The following DYRK3 variants were observed in gnomAD, a reference collection of about 807,000 sequenced individuals.
DYRK3 encodes dual specificity tyrosine phosphorylation regulated kinase 3, also known as dual specificity tyrosine-phosphorylation-regulated kinase 3.
A neutral mutation model predicts 40.8 loss-of-function variants in DYRK3; 30 were observed. The observed-to-expected ratio is 0.74, with a 90% confidence interval of 0.55 to 1.00. The LOEUF is 1.00. DYRK3 is among the 50% of genes least tolerant of loss of function. The pLI is 0.00. For missense variants in DYRK3, 699 were observed against 731.5 expected (o/e 0.96, Z 0.51); for synonymous variants, 272 against 260.7 (o/e 1.04, Z -0.42).
chr1:206,648,323 C>T lies in DYRK3; in HGVS notation c.1125C>T (p.Tyr375=). ...KLYTYIQSRF[Y]RAPEIILGSR... is the part of the protein sequence containing the mutation. Reference sequence around the variant, plus strand: ...ACACATATATCCAGTCTCGGTTCTACAGAGCTCCAGAAATCATCTTAGGAA... The same window carrying T: ...ACACATATATCCAGTCTCGGTTCTATAGAGCTCCAGAAATCATCTTAGGAA... The change falls in exon 3 of 3, where the codon TAC becomes TAT. Residue 375 remains tyrosine (Y), a synonymous_variant. Transcript: ENST00000367109. 2 of 1,614,162 alleles carry T rather than the reference C, an allele frequency of 1.2e-6. No individual in the cohort carries two copies. The highest frequency in any genetic ancestry group is 1.7e-6 in the Non-Finnish European group (2 of 1,180,040).
Position 206,648,335 on chromosome 1 carries a change from A to G in DYRK3, c.1137A>G (p.Glu379=). The change falls in exon 3 of 3, where the codon GAA becomes GAG. Residue 379 remains glutamate, a synonymous_variant. Transcript: ENST00000367109. ...AGTCTCGGTTCTACAGAGCTCCAGA[A>G]ATCATCTTAGGAAGCCGCTACAGCA... ...YIQSRFYRAP[E]IILGSRYSTP... 4 of 1,614,182 alleles carry G rather than the reference A, an allele frequency of 2.5e-6. No homozygotes were observed. The highest frequency in any genetic ancestry group is 3.4e-6 in the Non-Finnish European group (4 of 1,180,036).
At chr1:206,635,953 C>G in intron 1 of DYRK3, 173 bp downstream of exon 1, 1 of 1,321,828 alleles carries the variant, frequency 7.6e-7, no homozygotes, top group Non-Finnish European at 9.7e-7. Context: ...AGGGCCCCCT[C>G]CCCCCATCCC....
Position 206,648,674 on chromosome 1 carries a change from C to T in DYRK3, c.1476C>T (p.Asp492=), listed in dbSNP as rs202224978. The T allele has an allele frequency of 1.9e-6, 3 of 1,613,984 alleles. No homozygotes were observed. Among genetic ancestry groups the T allele is most frequent in the Middle Eastern group, 1.7e-4 (1 of 6,058 alleles). ...DWGTALKGCD[D]YLFIEFLKRC... ...GGACAGCACTGAAAGGGTGTGATGA[C>T]TACTTGTTTATAGAGTTCTTGAAAA... The change falls in exon 3 of 3, where the codon GAC becomes GAT. Residue 492 remains aspartate (D), a synonymous_variant. Transcript: ENST00000367109.
rs1272481764 is a variant in DYRK3, at chr1:206,648,668, T to C, written c.1470T>C (p.Cys490=). The C allele has an allele frequency of 6.2e-7, 1 of 1,613,874 alleles. No individual in the cohort carries two copies. Among genetic ancestry groups the C allele is most frequent in the Non-Finnish European group, 8.5e-7 (1 of 1,179,958 alleles). ...ACTGGGGGACAGCACTGAAAGGGTG[T>C]GATGACTACTTGTTTATAGAGTTCT... is the stretch of plus-strand genomic sequence containing the variant. The part of the protein sequence containing the change: ...SKDWGTALKG[C]DDYLFIEFLK... Residue 490 remains cysteine (C), a synonymous_variant, in exon 3 of 3, where the codon TGT becomes TGC. Transcript: ENST00000367109.
At chr1:206,643,409 A>G (rs1222147201) in intron 2 of DYRK3, among the ~76,000 whole-genome samples, 1 of 152,240 alleles carries the variant, frequency 6.6e-6, no homozygotes, top group Non-Finnish European at 1.5e-5. Context: ...AATGTTGTGT[A>G]CCTGAGACCC....
rs1309095674 is a variant in DYRK3, at chr1:206,649,392, C to T, written c.*427C>T. On this transcript the variant is annotated 3_prime_UTR_variant, in exon 3 of 3. Transcript: ENST00000367109. ...CTGAGAGCCAGTGCTAGGTCCCTTG[C>T]CCCACTAGGCCATTCTCTAGGCTCA... Among the ~76,000 whole-genome samples the T allele has an allele frequency of 3.3e-5, 5 of 152,120 alleles. No individual in the cohort carries two copies. Among genetic ancestry groups the T allele is most frequent in the African/African-American group, 1.2e-4 (5 of 41,416 alleles).
At chr1:206,636,261 C>G (rs181346067) in intron 1 of DYRK3, 337 of 293,594 alleles carry the variant, frequency 1.1e-3, no homozygotes, top group African/African-American at 7.1e-3. Flanking sequence ...TCTCCGGATC[C>G]TATTTTGAGA....
At chr1:206,647,300 A>G (rs1426140766) in intron 2 of DYRK3, 88 bp from the exon 3 acceptor site, 33 of 1,306,972 alleles carry the variant, frequency 2.5e-5, no homozygotes, top group Non-Finnish European at 3.2e-5. Context: ...ATGACTGGAC[A>G]TGTTTTGTTG....
rs565526747 is a variant in DYRK3 at position 206,651,304 on chromosome 1, C to T, written c.*2339C>T. Among the ~76,000 whole-genome samples the T allele has an allele frequency of 7.9e-5, 12 of 152,304 alleles. No homozygotes were observed. The highest frequency in any genetic ancestry group is 2.0e-4 in the Admixed American group (3 of 15,294). The stretch of plus-strand genomic sequence containing the variant: ...GTTGGTAGTCCAATGTCTGCTTCCC[C>T]GCATTAACCACATTGCGTAGGTTTG... On this transcript the variant is annotated 3_prime_UTR_variant, in exon 3 of 3. Transcript: ENST00000367109.
rs1050490624 is a variant in DYRK3 at position 206,647,874 on chromosome 1, G to T, written c.676G>T (p.Val226Phe). 3 of 1,614,042 alleles carry T rather than the reference G, an allele frequency of 1.9e-6. No individual in the cohort carries two copies. Among genetic ancestry groups the T allele is most frequent in the East Asian group, 2.2e-5 (1 of 44,866 alleles). The change falls in exon 3 of 3, where the codon GTC (valine) becomes TTC (phenylalanine). Residue 226 changes from valine to phenylalanine, a missense_variant. Val to Phe is a conservative substitution (Grantham distance 50, BLOSUM62 -1). Transcript: ENST00000367109. ...GGGGAGTTTTGGGCAGGTGGCCAGGGTCTATGATCACAAACTTCGACAGTA... is the reference window on the plus strand; with the variant it reads ...GGGGAGTTTTGGGCAGGTGGCCAGGTTCTATGATCACAAACTTCGACAGTA... The part of the protein sequence containing the change: ...GKGSFGQVAR[V>F]YDHKLRQYVA...
chr1:206,639,606 C>T (rs907946426), intron 2 of DYRK3, among the ~76,000 whole-genome samples: 3 of 151,400 alleles, frequency 2.0e-5, no homozygotes, highest in East Asian at 2.0e-4. Flanking sequence ...GGATTATAGG[C>T]ACCAACCAAC....
intron 1 of DYRK3, 167 bp downstream of exon 1, chr1:206,635,947 C>A: frequency 7.6e-7 from 1 of 1,318,896 alleles, no homozygotes; most frequent in Non-Finnish European, 9.7e-7. Flanking sequence ...TCTATCAGGG[C>A]CCCCTCCCCC....
chr1:206,637,710 T>C lies in DYRK3; in HGVS notation c.138T>C (p.Cys46=), dbSNP rs376618812. The C allele has an allele frequency of 1.9e-6, 3 of 1,614,000 alleles. No individual in the cohort carries two copies. Among genetic ancestry groups the C allele is most frequent in the Non-Finnish European group, 2.5e-6 (3 of 1,180,012 alleles). ...TAGATGAAACCAAATGTCCCCCCTG[T>C]TCAAATGTACTCTGCAATCCTTCTG... is the stretch of plus-strand genomic sequence containing the variant. ...MMIDETKCPP[C]SNVLCNPSEP... is the part of the protein sequence containing the mutation. The change falls in exon 2 of 3, where the codon TGT becomes TGC. Residue 46 remains cysteine, a synonymous_variant. Coordinates refer to ENST00000367109, the MANE Select transcript of DYRK3 (RefSeq NM_003582.4).
intron 2 of DYRK3, among the ~76,000 whole-genome samples, chr1:206,642,137 T>C (rs562881724): frequency 6.6e-6 from 1 of 150,622 alleles, no homozygotes; most frequent in Admixed American, 6.6e-5. Context: ...CAGACACTTC[T>C]CAAAAGAAGA....
chr1:206,636,850 CTCCG>C, intron 1 of DYRK3: 4 of 1,503,876 alleles, frequency 2.7e-6, no homozygotes, highest in Non-Finnish European at 3.6e-6. Context: ...AATAAATCCT[CTCCG>C]TCTTTTGTGT....
chr1:206,636,001 T>C, intron 1 of DYRK3: 3 of 1,423,492 alleles, frequency 2.1e-6, no homozygotes, highest in East Asian at 5.1e-5. Flanking sequence ...TAGAGCGGAG[T>C]TAGAGCAAGA....
intron 1 of DYRK3, among the ~76,000 whole-genome samples, chr1:206,637,160 A>T (rs1276344859): frequency 6.6e-6 from 1 of 152,220 alleles, no homozygotes; most frequent in African/African-American, 2.4e-5. Flanking sequence ...TAGTCTTCCC[A>T]TTAACATGGG....
At position 206,650,551 on chromosome 1, in the gene DYRK3, C is replaced by G. The variant is rs1390021019; in HGVS notation, c.*1586C>G. Among the ~76,000 whole-genome samples the G allele has an allele frequency of 6.6e-6, 1 of 152,006 alleles. No homozygotes were observed. The highest frequency in any genetic ancestry group is 1.5e-5 in the Non-Finnish European group (1 of 67,964). ...AGTGAGACTCTGTCTAAAAAACAAA[C>G]CAAAAAAAGTGTGTTCTTTAAAGTA... On this transcript the variant is annotated 3_prime_UTR_variant, in exon 3 of 3. Transcript: ENST00000367109.
chr1:206,645,782 C>T (rs534945134), intron 2 of DYRK3, among the ~76,000 whole-genome samples: 8 of 152,170 alleles, frequency 5.3e-5, no homozygotes, highest in Admixed American at 2.0e-4. Flanking sequence ...CCGTCTTGGC[C>T]TCCCAAAGTT....
Sources: gnomAD v4.1 joint callset for allele counts (sites outside exome capture counted in the v4.1 genomes callset) on GRCh38, gnomAD v4.1.1 for gene constraint, MANE v1.5 for transcripts, NCBI Gene and HGNC (gene_info 2026-07-23, HGNC 2026-07-21) for gene names.